Variants in C14orf39 observed in about 807,000 individuals in gnomAD.
C14orf39 encodes protein SIX6OS1.
C14orf39 carries 66 observed loss-of-function variants against 85.6 expected under a neutral mutation model. The observed-to-expected ratio is 0.77, with a 90% CI of 0.63 to 0.95. The LOEUF is 0.95. C14orf39 is among the 40% of genes least tolerant of loss of function. C14orf39 has a pLI of 0.00. For missense variants in C14orf39, 735 were observed against 663.9 expected, an observed-to-expected ratio of 1.11 and a Z score of -1.18; for synonymous variants, 242 against 214.0, an observed-to-expected ratio of 1.13 and a Z score of -1.14.
chr14:60,483,965 T>G (rs1892765250), intron 3 of C14orf39, 148 bp from the exon 4 acceptor site: 1 of 556,630 alleles, frequency 1.8e-6, no homozygotes, highest in Non-Finnish European at 3.1e-6. Flanking sequence ...GGTGGGACCG[T>G]ATACTAAAAT....
intron 15 of C14orf39, among the ~76,000 whole-genome samples, chr14:60,456,627 C>T (rs1891292558): frequency 1.3e-5 from 2 of 151,752 alleles, no homozygotes; most frequent in Admixed American, 1.3e-4. Context: ...TTTATAAGTA[C>T]GTGGGATTTA....
At chr14:60,482,695 G>T (rs1892693688) in intron 4 of C14orf39, among the ~76,000 whole-genome samples, 1 of 152,124 alleles carries the variant, frequency 6.6e-6, no homozygotes, top group African/African-American at 2.4e-5. Flanking sequence ...TCCATTAATA[G>T]GGGAATGGCT....
intron 1 of C14orf39, among the ~76,000 whole-genome samples, chr14:60,500,710 C>A (rs1302653987): frequency 1.3e-5 from 2 of 152,144 alleles, no homozygotes; most frequent in Non-Finnish European, 2.9e-5. Context: ...AAATGTGTGT[C>A]TCTGTGCATA....
intron 15 of C14orf39, among the ~76,000 whole-genome samples, chr14:60,456,349 T>C (rs1336224491): frequency 2.0e-5 from 3 of 151,808 alleles, no homozygotes; most frequent in African/African-American, 4.8e-5. Context: ...CTACAACATA[T>C]GAAGAAATGA....
chr14:60,488,000 A>C (rs1293326747), upstream of C14orf39, among the ~76,000 whole-genome samples: 1 of 152,144 alleles, frequency 6.6e-6, no homozygotes, highest in Non-Finnish European at 1.5e-5. Flanking sequence ...TTATTTAGAT[A>C]TTAACCCAAA....
intron 14 of C14orf39, among the ~76,000 whole-genome samples, chr14:60,458,293 C>T (rs184608604): frequency 4.3e-4 from 66 of 152,004 alleles, no homozygotes; most frequent in African/African-American, 1.4e-3. Flanking sequence ...CCTTCCTGGA[C>T]TCTGGTAACC....
intron 2 of C14orf39, chr14:60,495,443 T>C (rs1190552617): frequency 5.9e-6 from 1 of 169,672 alleles, no homozygotes; most frequent in East Asian, 1.6e-4. Context: ...TTGAGCTCAG[T>C]ACCCGAAGGG....
intron 16 of C14orf39, among the ~76,000 whole-genome samples, chr14:60,448,372 G>A (rs1890878431): frequency 6.6e-6 from 1 of 151,794 alleles, no homozygotes; most frequent in South Asian, 2.1e-4. Context: ...AGTGGGCAAA[G>A]GATATGAAGA....
chr14:60,471,606 A>G lies in C14orf39; in HGVS notation c.457T>C (p.Leu153=). 6.2e-7 allele frequency: 1 copy of G among 1,610,692 alleles called. No homozygotes were observed. The highest frequency in any genetic ancestry group is 8.5e-7 in the Non-Finnish European group (1 of 1,178,368). The part of the protein sequence containing the change: ...REHEEIQSRV[L]ACTEQLKMNE... The stretch of plus-strand genomic sequence containing the variant: ...ATTTTTAATTGTTCAGTACATGCCA[A>G]CACTCTGCTTTGAATTTCTTCATGT... The change falls in exon 6 of 18, where the codon TTG becomes CTG. Residue 153 remains leucine, a synonymous_variant. Transcript: ENST00000321731.
At chr14:60,511,765 A>C (rs1893297858) in intron 1 of C14orf39, 1 of 171,296 alleles carries the variant, frequency 5.8e-6, no homozygotes, top group African/African-American at 2.4e-5. Flanking sequence ...TGTGTGGAGA[A>C]GCCAAACAAT....
chr14:60,457,291 A>T (rs12147690), intron 14 of C14orf39, among the ~76,000 whole-genome samples, 196 bp from the exon 15 acceptor site: 1 of 151,702 alleles, frequency 6.6e-6, no homozygotes. Context: ...ATATTTATCC[A>T]ATTTTTTCTT....
intron 4 of C14orf39, among the ~76,000 whole-genome samples, chr14:60,481,502 A>T (rs1159464631): frequency 6.6e-6 from 1 of 151,978 alleles, no homozygotes; most frequent in Admixed American, 6.6e-5. Flanking sequence ...ATTTTTTTTT[A>T]AATCATGCTT....
Position 60,455,026 on chromosome 14 carries a change from A to C in C14orf39, c.1478T>G (p.Phe493Cys). ...PGLNLFDSSV[F>C]DTEISSDQFN... The stretch of plus-strand genomic sequence containing the variant: ...CTGATCTGATGAGATTTCTGTATCA[A>C]ATACAGAAGAATCAAATAAATTCAA... Residue 493 changes from phenylalanine to cysteine, a missense_variant, in exon 16 of 18, where the codon TTT becomes TGT. Physicochemically the swap from Phe to Cys is radical, Grantham distance 205. Coordinates refer to ENST00000321731, the MANE Select transcript of C14orf39 (RefSeq NM_174978.3). 1.3e-6 allele frequency: 2 copies of C among 1,559,822 alleles called. No individual in the cohort carries two copies. Among genetic ancestry groups the C allele is most frequent in the Non-Finnish European group, 1.7e-6 (2 of 1,160,258 alleles).
intron 16 of C14orf39, among the ~76,000 whole-genome samples, chr14:60,454,170 T>C (rs1891160403): frequency 6.8e-6 from 1 of 147,630 alleles, no homozygotes; most frequent in Non-Finnish European, 1.5e-5. Flanking sequence ...CATCCATCAA[T>C]AAATTTGTAA....
At chr14:60,510,129 G>C (rs922227183) in intron 1 of C14orf39, among the ~76,000 whole-genome samples, 1 of 152,204 alleles carries the variant, frequency 6.6e-6, no homozygotes, top group Non-Finnish European at 1.5e-5. Context: ...GCTCCTGGCC[G>C]GGAGTTCCCT....
intron 11 of C14orf39, among the ~76,000 whole-genome samples, chr14:60,462,841 T>C (rs1356930324): frequency 6.6e-6 from 1 of 152,120 alleles, no homozygotes; most frequent in South Asian, 2.1e-4. Context: ...GTGTATTTTA[T>C]GTGTGGCCCA....
intron 13 of C14orf39, 58 bp from the exon 14 acceptor site, chr14:60,458,797 CAT>C (rs1287923657): frequency 1.1e-4 from 147 of 1,391,846 alleles, no homozygotes; most frequent in Non-Finnish European, 1.4e-4. Context: ...TAAAATAAAA[CAT>C]AGTCTCGCCA....
intron 14 of C14orf39, among the ~76,000 whole-genome samples, chr14:60,457,525 A>C (rs1283733164): frequency 6.6e-6 from 1 of 151,866 alleles, no homozygotes; most frequent in Non-Finnish European, 1.5e-5. Flanking sequence ...ACTTTTTTTG[A>C]CCCTATAAAT....
intron 1 of C14orf39, among the ~76,000 whole-genome samples, chr14:60,500,777 T>C (rs979559690): frequency 2.6e-5 from 4 of 152,134 alleles, no homozygotes; most frequent in South Asian, 2.1e-4. Context: ...TCTCTAATAA[T>C]AGTACTACGA....
Sources: gnomAD v4.1 joint callset for allele counts (sites outside exome capture counted in the v4.1 genomes callset) on GRCh38, gnomAD v4.1.1 for gene constraint, MANE v1.5 for transcripts, NCBI Gene and HGNC (gene_info 2026-07-23, HGNC 2026-07-21) for gene names.